TEAD3: variants seen among roughly 807,000 people sequenced by gnomAD.
TEAD3 encodes the protein TEA domain transcription factor 3.
In TEAD3, 15 loss-of-function variants were observed where a neutral mutation model predicts 55.6. That is an observed-to-expected ratio of 0.27 (90% confidence interval 0.18 to 0.42). The LOEUF is 0.42. Among genes scored for constraint, TEAD3 ranks in the 10% least tolerant of loss-of-function variants. TEAD3 has a pLI of 1.00. For synonymous variants in TEAD3, 210 were observed against 232.2 expected (o/e 0.90, Z 0.87); for missense variants, 407 against 576.8 (o/e 0.71, Z 3.01).
chr6:35,473,896 G>A (rs1457116288), downstream of TEAD3: 6 of 152,506 alleles, frequency 3.9e-5, no homozygotes, highest in African/African-American at 1.2e-4. Flanking sequence ...ATACCCACAG[G>A]TGGCTGCTGG....
chr6:35,481,343 C>T (rs917729949), intron 3 of TEAD3, among the ~76,000 whole-genome samples: 2 of 152,180 alleles, frequency 1.3e-5, no homozygotes, highest in South Asian at 2.1e-4. Context: ...TCCTTGACGC[C>T]GCTTCACGCT....
Position 35,475,795 on chromosome 6 carries a change from C to T in TEAD3, c.901-89G>A, listed in dbSNP as rs1768133069. The stretch of plus-strand genomic sequence containing the variant: ...ATCAGAGTCCTGCCCAAGGATCCAT[C>T]TCTGGCACTCTGCCCACAAGCCATG... On this transcript the variant is annotated intron_variant, in intron 10 of 12. Transcript: ENST00000639578. The surrounding 1 kb of genome is among the most constrained non-coding windows in gnomAD (Gnocchi z 5.4). The T allele has an allele frequency of 2.6e-6, 4 of 1,512,670 alleles. 1 individual carries two copies. In the Admixed American group the frequency reaches 6.5e-5, roughly 25 times the overall value. The allele number at this position is 1,512,670 out of a possible 1,614,324, so 93.7% of individuals were successfully genotyped here. A position where few individuals can be genotyped will look rare whatever the true frequency, so the allele number is the denominator to read the frequency against.
intron 3 of TEAD3, 64 bp from the exon 4 acceptor site, chr6:35,480,438 G>A: frequency 6.4e-7 from 1 of 1,572,200 alleles, no homozygotes; most frequent in Non-Finnish European, 8.7e-7. Flanking sequence ...ACAGCCATGG[G>A]GTGGCCGCGG....
At chr6:35,478,249 G>A (rs779118155) in intron 7 of TEAD3, 26 bp downstream of exon 7, 16 of 1,612,354 alleles carry the variant, frequency 9.9e-6, no homozygotes, top group Middle Eastern at 1.9e-4. Flanking sequence ...GGAAGAGGGC[G>A]TGGGATGATG....
At position 35,475,134 on chromosome 6, in the gene TEAD3, C is replaced by T. The variant is rs1347153721; in HGVS notation, c.1218G>A (p.Gln406=). Residue 406 remains glutamine (Q), a synonymous_variant, in exon 13 of 13, where the codon CAG becomes CAA. Transcript: ENST00000639578. This position sits in a 1 kb window ranked among gnomAD's most constrained non-coding sequence, Gnocchi z 5.4. ...CAAAAGCAATGACAAGCAGGGTCTC[C>T]TGGGAGTCCCGGCTCGTGACCACCT... is the stretch of plus-strand genomic sequence containing the variant. The T allele has an allele frequency of 6.3e-7, 1 of 1,586,608 alleles. No individual in the cohort carries two copies. Among genetic ancestry groups the T allele is most frequent in the East Asian group, 2.3e-5 (1 of 43,560 alleles).
rs775260818 is a variant in TEAD3 at position 35,476,050 on chromosome 6, C to A, written c.769G>T (p.Ala257Ser). The A allele has an allele frequency of 8.4e-6, 13 of 1,543,152 alleles. No individual in the cohort carries two copies. The African/African-American group carries it at 1.2e-4, about 15-fold the overall frequency. ...GCCTCCAGGGGTGGGTCTGAGAAGGCGGGGTTCGTCTGGCCGATGTGCACA... is the reference window on the plus strand; with the variant it reads ...GCCTCCAGGGGTGGGTCTGAGAAGGAGGGGTTCGTCTGGCCGATGTGCACA... The change falls in exon 10 of 13, where the codon GCC (alanine) becomes TCC (serine). Residue 257 changes from alanine to serine, a missense_variant. Coordinates refer to ENST00000639578, the Ensembl canonical transcript of TEAD3.
rs1444928403 is a variant in TEAD3, at chr6:35,475,270, T to C, written c.1194+66A>G. The C allele has an allele frequency of 6.2e-7, 1 of 1,605,672 alleles. No homozygotes were observed. Among genetic ancestry groups the C allele is most frequent in the Non-Finnish European group, 8.5e-7 (1 of 1,174,606 alleles). ...ATCTATGCCTCTCAGCCAAGCGATG[T>C]GTCTGGCTACCCAACTTGGAGGCCC... On this transcript the variant is annotated intron_variant, in intron 12 of 12. Transcript: ENST00000639578. This position sits in a 1 kb window ranked among gnomAD's most constrained non-coding sequence, Gnocchi z 5.4.
At chr6:35,487,721 C>CA (rs34693697) in intron 1 of TEAD3, among the ~76,000 whole-genome samples, 13,487 of 148,878 alleles carry the variant, frequency 0.091, 711 homozygotes, top group African/African-American at 0.14. Flanking sequence ...GACCTTGTCT[C>CA]AAAAAAAAAC....
At chr6:35,487,843 C>T (rs959270560) in intron 1 of TEAD3, among the ~76,000 whole-genome samples, 26 of 152,204 alleles carry the variant, frequency 1.7e-4, no homozygotes, top group East Asian at 7.7e-4. Context: ...CACAAGGTCA[C>T]GCAGCTGCCA....
At position 35,475,073 on chromosome 6, in the gene TEAD3, G is replaced by A; in HGVS notation, c.1279C>T (p.His427Tyr). Residue 427 changes from histidine (H) to tyrosine (Y), a missense_variant, in exon 13 of 13, where the codon CAC becomes TAC. By Grantham distance (83) the His-to-Tyr change is moderately conservative. Transcript: ENST00000639578. This position sits in a 1 kb window ranked among gnomAD's most constrained non-coding sequence, Gnocchi z 5.4. ...TCTTTGACGAGCTTGTAGACATGGTGCTGGGCCCCGTGCTCACTGGTGGAG... is the reference window on the plus strand; with the variant it reads ...TCTTTGACGAGCTTGTAGACATGGTACTGGGCCCCGTGCTCACTGGTGGAG... The A allele has an allele frequency of 6.3e-7, 1 of 1,595,596 alleles. No homozygotes were observed. The highest frequency in any genetic ancestry group is 8.5e-7 in the Non-Finnish European group (1 of 1,170,590).
In TEAD3 at chr6:35,491,654, G is replaced by A. The variant is rs1200930317; in HGVS notation, c.-49-4943C>T. On this transcript the variant is annotated intron_variant, in intron 1 of 12. Transcript: ENST00000639578. The surrounding 1 kb of genome is among the most constrained non-coding windows in gnomAD (Gnocchi z 4.4). ...CCGCCAGCAGGCTGCAGACCCCCAG[G>A]GGACTCAGTCTGCCTTCACCCTCAT... 3.9e-5 allele frequency among the ~76,000 whole-genome samples: 6 copies of A among 152,186 alleles called. No individual in the cohort carries two copies. Among genetic ancestry groups the A allele is most frequent in the African/African-American group, 1.4e-4 (6 of 41,442 alleles).
chr6:35,475,330 C>T lies in TEAD3; in HGVS notation c.1194+6G>A. On this transcript the variant is annotated splice_donor_region_variant and intron_variant, in intron 12 of 12. Coordinates refer to ENST00000639578, the Ensembl canonical transcript of TEAD3. This position sits in a 1 kb window ranked among gnomAD's most constrained non-coding sequence, Gnocchi z 5.4. ...GGACTCCCCACGACCCCTGCTGCCC[C>T]CATACCTGCAGGATGGTGAAGTTCT... 1 of 1,612,868 alleles carries T rather than the reference C, an allele frequency of 6.2e-7. No homozygotes were observed. The highest frequency in any genetic ancestry group is 1.1e-5 in the South Asian group (1 of 90,964).
Position 35,484,524 on chromosome 6 carries a change from T to A in TEAD3, c.267+36A>T, listed in dbSNP as rs553428811. The A allele has an allele frequency of 4.4e-6, 7 of 1,576,554 alleles. No homozygotes were observed. The highest frequency in any genetic ancestry group is 6.0e-6 in the Non-Finnish European group (7 of 1,159,164). ...TGACCGGGGCAGCTGAGACAGAGTGTGTGGGTGGCAGGCCCAGCATAAACC... is the reference window on the plus strand; with the variant it reads ...TGACCGGGGCAGCTGAGACAGAGTGAGTGGGTGGCAGGCCCAGCATAAACC... On this transcript the variant is annotated intron_variant, in intron 3 of 12. Transcript: ENST00000639578. This position sits in a 1 kb window ranked among gnomAD's most constrained non-coding sequence, Gnocchi z 5.8.
Position 35,491,703 on chromosome 6 carries a change from C to T in TEAD3, c.-49-4992G>A, listed in dbSNP as rs1768523600. ...ATCCTGACCAGCCACACCCGCTTCC[C>T]CTCTCCCAGGGCCCTCAGCCTTTCA... On this transcript the variant is annotated intron_variant, in intron 1 of 12. Transcript: ENST00000639578. This position sits in a 1 kb window ranked among gnomAD's most constrained non-coding sequence, Gnocchi z 4.4. 6.6e-6 allele frequency among the ~76,000 whole-genome samples: 1 copy of T among 152,234 alleles called. No individual in the cohort carries two copies. The highest frequency in any genetic ancestry group is 1.5e-5 in the Non-Finnish European group (1 of 68,038).
chr6:35,494,987 C>T (rs565384722), intron 1 of TEAD3, among the ~76,000 whole-genome samples: 1 of 152,282 alleles, frequency 6.6e-6, no homozygotes, highest in South Asian at 2.1e-4. Flanking sequence ...TCTCCAGACC[C>T]CACCAAGTTC....
At chr6:35,492,138 C>T (rs1431354831) in intron 1 of TEAD3, among the ~76,000 whole-genome samples, 1 of 152,210 alleles carries the variant, frequency 6.6e-6, no homozygotes, top group Middle Eastern at 3.2e-3. Context: ...TGCAGGGACC[C>T]CAGCCCCCAA....
In TEAD3 at chr6:35,486,361, G is replaced by GCCAGC; in HGVS notation, c.202+95_202+99dup. The GCCAGC allele has an allele frequency of 7.2e-7, 1 of 1,395,034 alleles. No individual in the cohort carries two copies. Among genetic ancestry groups the GCCAGC allele is most frequent in the Non-Finnish European group, 9.7e-7 (1 of 1,033,914 alleles). 86.4% of individuals were successfully genotyped at this position (1,395,034 alleles called of 1,614,324 possible). A position where few individuals can be genotyped will look rare whatever the true frequency, so the allele number is the denominator to read the frequency against. ...AGGCTTGCGCGCCCAGACTCGCCCG[G>GCCAGC]CCAGCGGCTGGCGGCCTCCGACGTC... On this transcript the variant is annotated intron_variant, in intron 2 of 12. Transcript: ENST00000639578. This position sits in a 1 kb window ranked among gnomAD's most constrained non-coding sequence, Gnocchi z 7.3.
At chr6:35,479,830 GAAA>G (rs903992690) in intron 4 of TEAD3, among the ~76,000 whole-genome samples, 85 of 152,350 alleles carry the variant, frequency 5.6e-4, no homozygotes, top group African/African-American at 1.7e-3. Context: ...GGAAGAAGGA[GAAA>G]AAGAAAAACA....
At chr6:35,480,454 G>C (rs1241456515) in intron 3 of TEAD3, 80 bp from the exon 4 acceptor site, 17 of 1,457,012 alleles carry the variant, frequency 1.2e-5, no homozygotes, top group Non-Finnish European at 1.6e-5. Flanking sequence ...CGCGGGCAAG[G>C]AGCATCCCAG....
Sources: gnomAD v4.1 joint callset for allele counts (sites outside exome capture counted in the v4.1 genomes callset) on GRCh38, gnomAD v4.1.1 for gene constraint, Gnocchi (gnomAD v3.1) non-coding constraint, MANE v1.5 for transcripts, NCBI Gene and HGNC (gene_info 2026-07-23, HGNC 2026-07-21) for gene names.